CFAP57: variants seen among roughly 807,000 people sequenced by gnomAD.
The protein encoded by CFAP57 is cilia- and flagella-associated protein 57.
A neutral mutation model predicts 146.8 loss-of-function variants in CFAP57; 116 were observed. That is an observed-to-expected ratio of 0.79 (90% CI 0.68 to 0.92). The LOEUF is 0.92. Ranked by LOEUF, CFAP57 falls within the 40% of genes least tolerant of loss-of-function variation. The pLI, the probability that CFAP57 is intolerant of heterozygous loss-of-function variation, is 0.00. For missense variants in CFAP57, 1,377 were observed against 1,527.2 expected (o/e 0.90, Z 1.64); for synonymous variants, 518 against 552.8 (o/e 0.94, Z 0.88).
Position 43,227,199 on chromosome 1 carries a change from C to T in CFAP57, c.3009+73C>T. 2.1e-6 allele frequency: 3 copies of T among 1,421,502 alleles called. No homozygotes were observed. In the South Asian group the frequency reaches 4.9e-5, roughly 23 times the overall value. 88.1% of individuals were successfully genotyped at this position (1,421,502 alleles called of 1,614,324 possible). A position where few individuals can be genotyped will look rare whatever the true frequency, so the allele number is the denominator to read the frequency against. ...TCTTCCACAATTGGCTAGCTGGCCT[C>T]AGGGACTGAGGAGAAGCTCTTCTCA... On this transcript the variant is annotated intron_variant, in intron 18 of 22. Transcript: ENST00000372492.
intron 11 of CFAP57, among the ~76,000 whole-genome samples, chr1:43,212,446 T>G (rs1477286160): frequency 2.6e-5 from 4 of 152,232 alleles, no homozygotes; most frequent in Admixed American, 2.0e-4. Flanking sequence ...TATTATGAAG[T>G]ACCTGTGATG....
chr1:43,247,238 A>T (rs1247442282), intron 22 of CFAP57, among the ~76,000 whole-genome samples: 2 of 152,252 alleles, frequency 1.3e-5, no homozygotes, highest in Non-Finnish European at 2.9e-5. Flanking sequence ...AATAAAAATT[A>T]GAAGCAAAAC....
intron 18 of CFAP57, among the ~76,000 whole-genome samples, chr1:43,227,849 A>G (rs952763581): frequency 3.3e-5 from 5 of 152,140 alleles, no homozygotes; most frequent in African/African-American, 1.2e-4. Flanking sequence ...TCCCTCTCTC[A>G]GTTAGTGGTC....
intron 2 of CFAP57, 147 bp downstream of exon 2, chr1:43,173,057 T>C: frequency 1.4e-6 from 1 of 704,796 alleles, no homozygotes; most frequent in Non-Finnish European, 2.5e-6. Context: ...AATGGCGACT[T>C]GTATTATGAA....
At position 43,254,307 on chromosome 1, in the gene CFAP57, C is replaced by G. The variant is rs1189696696; in HGVS notation, c.*116C>G. 18 of 881,272 alleles carry G rather than the reference C, an allele frequency of 2.0e-5. No individual in the cohort carries two copies. The highest frequency in any genetic ancestry group is 3.1e-5 in the Non-Finnish European group (18 of 585,432). 54.6% of individuals were successfully genotyped at this position (881,272 alleles called of 1,614,324 possible). A position where few individuals can be genotyped will look rare whatever the true frequency, so the allele number is the denominator to read the frequency against. ...CCTGCAGCACTGACCCCAGCAACCT[C>G]TTTCTCTTGCCCTGGGGAATTTGGG... On this transcript the variant is annotated 3_prime_UTR_variant, in exon 23 of 23. Coordinates refer to ENST00000372492, the MANE Select transcript of CFAP57 (RefSeq NM_001378189.1).
In CFAP57 at chr1:43,224,054, C is replaced by G. The variant is rs1042537769; in HGVS notation, c.2715C>G (p.Ser905Arg). The G allele has an allele frequency of 6.5e-6, 10 of 1,550,376 alleles. No homozygotes were observed. Among genetic ancestry groups the G allele is most frequent in the Non-Finnish European group, 8.7e-6 (10 of 1,146,900 alleles). ...GCTGTTCGCTTTTCTAGTTCAGCAGCCTACAGAAGGAGATTGAAGAACGAA... is the reference window on the plus strand; with the variant it reads ...GCTGTTCGCTTTTCTAGTTCAGCAGGCTACAGAAGGAGATTGAAGAACGAA... ...ETGIMRKKFS[S>R]LQKEIEERTN... The change falls in exon 17 of 23, where the codon AGC becomes AGG. Residue 905 changes from serine to arginine, a missense_variant. Ser to Arg is a moderately radical substitution (Grantham distance 110). Coordinates refer to ENST00000372492, the MANE Select transcript of CFAP57 (RefSeq NM_001378189.1).
At chr1:43,223,077 G>A in intron 16 of CFAP57, 80 bp downstream of exon 16, 3 of 1,434,796 alleles carry the variant, frequency 2.1e-6, no homozygotes, top group East Asian at 2.5e-5. Context: ...TGACCGGCCT[G>A]GGGGTGCTGG....
intron 17 of CFAP57, among the ~76,000 whole-genome samples, 159 bp from the exon 18 acceptor site, chr1:43,226,824 G>A (rs905194137): frequency 4.6e-5 from 7 of 152,198 alleles, no homozygotes. Context: ...AGCCCCATGG[G>A]GGGAGTGCCA....
rs535859121 is a variant in CFAP57 at position 43,210,001 on chromosome 1, TTCTC to T, written c.1929+90_1929+93del. ...CATCCCTTCAACCTCCCAATGTCTT[TTCTC>T]TCTCCTTCTTCTCTCTTATTTATTC... is the stretch of plus-strand genomic sequence containing the variant. On this transcript the variant is annotated intron_variant, in intron 11 of 22. Transcript: ENST00000372492. 1.9e-6 allele frequency: 3 copies of T among 1,613,120 alleles called. No homozygotes were observed. The African/African-American group carries it at 4.0e-5, about 21-fold the overall frequency.
intron 11 of CFAP57, chr1:43,210,614 T>A: frequency 5.2e-6 from 1 of 193,318 alleles, no homozygotes; most frequent in Non-Finnish European, 9.6e-6. Context: ...TAGGAGATAC[T>A]TGGAGCAGTC....
At chr1:43,229,819 G>T (rs75404364) in intron 18 of CFAP57, among the ~76,000 whole-genome samples, 1,565 of 128,004 alleles carry the variant, frequency 0.012, 172 homozygotes, top group African/African-American at 0.047. Context: ...GTCCCTACCT[G>T]CTAGATCCCA....
chr1:43,186,914 G>C, intron 6 of CFAP57, 55 bp downstream of exon 6: 2 of 1,609,076 alleles, frequency 1.2e-6, no homozygotes, highest in South Asian at 1.1e-5. Context: ...CCTGCTGGGG[G>C]ACTAGTCACC....
chr1:43,239,345 A>G (rs574126112), intron 21 of CFAP57, among the ~76,000 whole-genome samples: 2 of 152,270 alleles, frequency 1.3e-5, no homozygotes, highest in South Asian at 4.1e-4. Flanking sequence ...TAGGTAAGGG[A>G]GCATCATGAA....
intron 9 of CFAP57, 197 bp from the exon 10 acceptor site, chr1:43,206,523 T>G: frequency 3.3e-6 from 2 of 597,370 alleles, no homozygotes; most frequent in Non-Finnish European, 6.0e-6. Flanking sequence ...TGTTTCATCT[T>G]CAGTAATTTG....
At position 43,199,415 on chromosome 1, in the gene CFAP57, T is replaced by C. The variant is rs527345789; in HGVS notation, c.1454T>C (p.Leu485Pro). The change falls in exon 9 of 23, where the codon CTG (leucine) becomes CCG (proline). Residue 485 changes from leucine (L) to proline (P), a missense_variant. By Grantham distance (98) the Leu-to-Pro change is moderately conservative. Coordinates refer to ENST00000372492, the MANE Select transcript of CFAP57 (RefSeq NM_001378189.1). ...GECSFSNGGH[L>P]FAAVNGNVIH... Reference sequence around the variant, plus strand: ...TGTTCCTTTAGCAATGGAGGTCACCTGTTTGCTGCAGTCAATGGAAATGTG... The same window carrying C: ...TGTTCCTTTAGCAATGGAGGTCACCCGTTTGCTGCAGTCAATGGAAATGTG... 1.2e-6 allele frequency: 2 copies of C among 1,614,166 alleles called. No individual in the cohort carries two copies. The highest frequency in any genetic ancestry group is 2.2e-5 in the East Asian group (1 of 44,880).
At chr1:43,216,043 C>T (rs1034368396) in intron 12 of CFAP57, among the ~76,000 whole-genome samples, 1 of 152,192 alleles carries the variant, frequency 6.6e-6, no homozygotes, top group African/African-American at 2.4e-5. Context: ...GATATGAGTG[C>T]ATAGCTCTGT....
In CFAP57 at chr1:43,186,806, A is replaced by G; in HGVS notation, c.1069A>G (p.Thr357Ala). The G allele has an allele frequency of 6.2e-7, 1 of 1,614,110 alleles. No homozygotes were observed. Among genetic ancestry groups the G allele is most frequent in the Non-Finnish European group, 8.5e-7 (1 of 1,180,032 alleles). The change falls in exon 6 of 23, where the codon ACC becomes GCC. Residue 357 changes from threonine to alanine, a missense_variant. Transcript: ENST00000372492. The part of the protein sequence containing the change: ...SPSEETLVAS[T>A]SKNQLYSITM... ...CTCAGAGGAAACTCTGGTTGCCAGC[A>G]CCAGTAAGAACCAACTCTACAGCAT...
chr1:43,217,616 T>C (rs1644882774), intron 12 of CFAP57, among the ~76,000 whole-genome samples: 1 of 151,986 alleles, frequency 6.6e-6, no homozygotes, highest in Non-Finnish European at 1.5e-5. Context: ...GGCACTATCC[T>C]CTCTAAACTC....
chr1:43,181,441 T>C (rs1645403347), intron 2 of CFAP57, 93 bp from the exon 3 acceptor site: 3 of 1,444,292 alleles, frequency 2.1e-6, no homozygotes, highest in Admixed American at 1.8e-5. Context: ...TCCACCACTG[T>C]CCACTCCAGT....
Sources: gnomAD v4.1 joint callset for allele counts (sites outside exome capture counted in the v4.1 genomes callset) on GRCh38, gnomAD v4.1.1 for gene constraint, MANE v1.5 for transcripts, NCBI Gene and HGNC (gene_info 2026-07-23, HGNC 2026-07-21) for gene names.